The following ZNF704 variants were observed in gnomAD, a reference collection of about 807,000 sequenced individuals.
ZNF704 encodes the protein zinc finger protein 704, also known as glucocorticoid induced gene 1.
In ZNF704, 10 loss-of-function variants were observed where a neutral mutation model predicts 44.7. That is an observed-to-expected ratio of 0.22 (90% confidence interval 0.14 to 0.38). The LOEUF is 0.38. Ranked by LOEUF, ZNF704 falls within the 10% of genes least tolerant of loss-of-function variation. ZNF704 has a pLI of 1.00. For missense variants in ZNF704, 390 were observed against 545.5 expected (o/e 0.71, Z 2.84); for synonymous variants, 211 against 207.6 (o/e 1.02, Z -0.14).
intron 2 of ZNF704, among the ~76,000 whole-genome samples, chr8:80,755,525 C>T (rs1027578229): frequency 1.3e-5 from 2 of 152,178 alleles, no homozygotes; most frequent in African/African-American, 4.8e-5. Context: ...ACAGACATGA[C>T]TACTGAGAAA....
rs926936666 is a variant in ZNF704 at position 80,640,003 on chromosome 8, C to T, written c.*1363G>A. 5 of 152,504 alleles carry T rather than the reference C, an allele frequency of 3.3e-5. No homozygotes were observed. The highest frequency in any genetic ancestry group is 1.9e-4 in the East Asian group (1 of 5,186). The allele number at this position is 152,504 out of a possible 1,614,324, so 9.4% of individuals were successfully genotyped here. On this transcript the variant is annotated 3_prime_UTR_variant, in exon 9 of 9. Coordinates refer to ENST00000327835, the MANE Select transcript of ZNF704 (RefSeq NM_001033723.3). ...ACTCCCCTCTCCCCACACCACTATC[C>T]CCCAAACAAACAAGCAAGTAAGTTA...
In ZNF704 at chr8:80,741,022, A is replaced by C. The variant is rs192781451; in HGVS notation, c.222-47915T>G. Reference sequence around the variant, plus strand: ...CTGCTTACAGCAGGTTAAATACTTAAGGCTAAAATTATCCAAAGGCACTAG... The same window carrying C: ...CTGCTTACAGCAGGTTAAATACTTACGGCTAAAATTATCCAAAGGCACTAG... On this transcript the variant is annotated intron_variant, in intron 2 of 8. Coordinates refer to ENST00000327835, the MANE Select transcript of ZNF704 (RefSeq NM_001033723.3). Among the ~76,000 whole-genome samples, 868 of 152,350 alleles carry C rather than the reference A, an allele frequency of 5.7e-3. 9 individuals carry two copies. The highest frequency in any genetic ancestry group is 0.02 in the African/African-American group (831 of 41,580).
chr8:80,824,648 G>GA (rs1360372094), intron 1 of ZNF704, among the ~76,000 whole-genome samples: 3 of 152,138 alleles, frequency 2.0e-5, no homozygotes, highest in African/African-American at 7.2e-5. Context: ...TGAAATGAAG[G>GA]AAAAAATGTT....
At chr8:80,823,424 A>G (rs1040911089) in intron 1 of ZNF704, among the ~76,000 whole-genome samples, 3 of 152,206 alleles carry the variant, frequency 2.0e-5, no homozygotes, top group Non-Finnish European at 4.4e-5. Context: ...ACGGCTGGGA[A>G]GCTCGAACCT....
intron 7 of ZNF704, among the ~76,000 whole-genome samples, chr8:80,657,638 C>T (rs1014501325): frequency 2.2e-4 from 33 of 149,488 alleles, no homozygotes; most frequent in Admixed American, 2.1e-3. Flanking sequence ...TGCAGTGAGC[C>T]GTGATGGCAC....
chr8:80,643,146 A>C lies in ZNF704; in HGVS notation c.1033-17T>G. On this transcript the variant is annotated splice_polypyrimidine_tract_variant and intron_variant, in intron 7 of 8. Transcript: ENST00000327835. ...GGGTGACACCTGGTGAATACATGGA[A>C]AAGAAAGTTGATGGGGCAGGTTCTC... 1 of 1,587,108 alleles carries C rather than the reference A, an allele frequency of 6.3e-7. No individual in the cohort carries two copies.
intron 7 of ZNF704, among the ~76,000 whole-genome samples, chr8:80,654,351 A>C (rs1406752129): frequency 5.9e-5 from 9 of 152,130 alleles, no homozygotes; most frequent in African/African-American, 1.9e-4. Context: ...GGATCTAATT[A>C]AACTAAAGAG....
intron 1 of ZNF704, among the ~76,000 whole-genome samples, chr8:80,872,999 G>A (rs560664992): frequency 1.3e-5 from 2 of 152,266 alleles, no homozygotes; most frequent in African/African-American, 4.8e-5. Context: ...GCTGTACTGG[G>A]TTTACCGGTT....
At chr8:80,816,412 T>G (rs1014192068) in intron 2 of ZNF704, among the ~76,000 whole-genome samples, 2 of 152,198 alleles carry the variant, frequency 1.3e-5, no homozygotes, top group Non-Finnish European at 2.9e-5. Context: ...AAACAAAATG[T>G]GGTATGTCTA....
intron 2 of ZNF704, among the ~76,000 whole-genome samples, chr8:80,808,646 G>A (rs1409541202): frequency 1.3e-5 from 2 of 152,168 alleles, no homozygotes; most frequent in Non-Finnish European, 2.9e-5. Flanking sequence ...TGCTCCTCAT[G>A]GTCCCTCCTT....
chr8:80,848,689 C>A (rs574010017), intron 1 of ZNF704, among the ~76,000 whole-genome samples: 51 of 151,916 alleles, frequency 3.4e-4, no homozygotes, highest in Non-Finnish European at 6.8e-4. Flanking sequence ...TACAAAAAAT[C>A]AGCTAGGCAT....
At position 80,816,495 on chromosome 8, in the gene ZNF704, C is replaced by G. The variant is rs531823124; in HGVS notation, c.221+4879G>C. Among the ~76,000 whole-genome samples the G allele has an allele frequency of 4.6e-5, 7 of 152,208 alleles. No individual in the cohort carries two copies. The East Asian group carries it at 1.4e-3, about 30-fold the overall frequency. On this transcript the variant is annotated intron_variant, in intron 2 of 8. Coordinates refer to ENST00000327835, the MANE Select transcript of ZNF704 (RefSeq NM_001033723.3). ...CACATGGATGAACCTTTCAAACATG[C>G]TCTCTTTTCCTGTCCTTAAACTCTT... is the stretch of plus-strand genomic sequence containing the variant.
chr8:80,880,003 T>G, the ZNF704 span, among the ~76,000 whole-genome samples: 1 of 152,220 alleles, frequency 6.6e-6, no homozygotes, highest in African/African-American at 2.4e-5. Flanking sequence ...AAATTAGATG[T>G]GGGGCTTTAA....
intron 2 of ZNF704, among the ~76,000 whole-genome samples, chr8:80,775,468 G>A (rs1010521954): frequency 8.5e-5 from 13 of 152,116 alleles, no homozygotes; most frequent in African/African-American, 3.1e-4. Context: ...AGTGCCTAAA[G>A]GTAAAATAAA....
chr8:80,834,100 G>T (rs961766461), intron 1 of ZNF704, among the ~76,000 whole-genome samples: 2 of 152,124 alleles, frequency 1.3e-5, no homozygotes, highest in Admixed American at 1.3e-4. Flanking sequence ...AGGCTGGGGT[G>T]GGAGGATCAC....
intron 2 of ZNF704, among the ~76,000 whole-genome samples, chr8:80,737,067 G>T (rs570308668): frequency 6.6e-6 from 1 of 152,078 alleles, no homozygotes; most frequent in Non-Finnish European, 1.5e-5. Context: ...GAACAATAAC[G>T]CTATAGTAGG....
At chr8:80,856,010 T>C (rs1037273511) in intron 1 of ZNF704, among the ~76,000 whole-genome samples, 8 of 152,166 alleles carry the variant, frequency 5.3e-5, no homozygotes, top group African/African-American at 1.9e-4. Flanking sequence ...TGGGCTGGAG[T>C]GCAGTTGCGT....
At chr8:80,852,644 C>G (rs189435907) in intron 1 of ZNF704, among the ~76,000 whole-genome samples, 1 of 152,174 alleles carries the variant, frequency 6.6e-6, no homozygotes, top group African/African-American at 2.4e-5. Flanking sequence ...AACAGTTTCA[C>G]GCTTGCTGCT....
rs145540387 is a variant in ZNF704, at chr8:80,852,585, G to A, written c.-22+21986C>T. 2.1e-3 allele frequency among the ~76,000 whole-genome samples: 314 copies of A among 152,230 alleles called. 2 individuals carry two copies. Among genetic ancestry groups the A allele is most frequent in the African/African-American group, 6.6e-3 (276 of 41,532 alleles). ...CTTGCTACCACCTTACACAGACTCC[G>A]AATGTTATAATTTCTTATTTTACAT... On this transcript the variant is annotated intron_variant, in intron 1 of 8. Transcript: ENST00000327835.
Sources: gnomAD v4.1 joint callset for allele counts (sites outside exome capture counted in the v4.1 genomes callset) on GRCh38, gnomAD v4.1.1 for gene constraint, MANE v1.5 for transcripts, NCBI Gene and HGNC (gene_info 2026-07-23, HGNC 2026-07-21) for gene names.